Variants in MAGI1 observed in about 807,000 individuals in gnomAD.
The protein encoded by MAGI1 is membrane-associated guanylate kinase, WW and PDZ domain-containing protein 1.
In MAGI1, 58 loss-of-function variants were observed where a neutral mutation model predicts 139.9. The ratio of observed to expected loss-of-function variants is 0.41; its 90% confidence interval spans 0.34 to 0.52. MAGI1 has a LOEUF of 0.52. Ranked by LOEUF, MAGI1 falls within the 20% of genes least tolerant of loss-of-function variation. The probability of loss-of-function intolerance (pLI) is 0.12; values close to 1 mark genes in which losing one functional copy is unlikely to be tolerated. For synonymous variants in MAGI1, 812 were observed against 737.9 expected, an observed-to-expected ratio of 1.10 and a Z score of -1.63; for missense variants, 1,874 against 1,901.6, an observed-to-expected ratio of 0.99 and a Z score of 0.27.
intron 2 of MAGI1, chr3:65,499,145 C>T: frequency 1.8e-6 from 1 of 545,662 alleles, no homozygotes; most frequent in Non-Finnish European, 2.3e-6. Context: ...TCCATTGATT[C>T]CTATTGGCTG....
intron 1 of MAGI1, among the ~76,000 whole-genome samples, chr3:66,000,791 T>C (rs903772875): frequency 2.0e-5 from 3 of 152,178 alleles, no homozygotes; most frequent in African/African-American, 4.8e-5. Flanking sequence ...AAACCTTTCA[T>C]ATCAGGCTTT....
chr3:65,389,181 G>T, intron 14 of MAGI1, among the ~76,000 whole-genome samples: 1 of 152,044 alleles, frequency 6.6e-6, no homozygotes, highest in Non-Finnish European at 1.5e-5. Context: ...AGCAACTTCA[G>T]TACTTACAGT....
intron 22 of MAGI1, chr3:65,359,766 T>A: frequency 1.0e-6 from 1 of 985,694 alleles, no homozygotes. Context: ...GATCTTTATT[T>A]TTAGCCCAAA....
chr3:65,971,349 T>A (rs1474926648), intron 1 of MAGI1, among the ~76,000 whole-genome samples: 1 of 152,236 alleles, frequency 6.6e-6, no homozygotes, highest in Non-Finnish European at 1.5e-5. Flanking sequence ...TCTTAAGTGA[T>A]GTTGAGCCTG....
rs527481278 is a variant in MAGI1 at position 65,489,775 on chromosome 3, C to T, written c.550+3737G>A. 1.1e-4 allele frequency among the ~76,000 whole-genome samples: 17 copies of T among 152,250 alleles called. No homozygotes were observed. In the East Asian group the frequency reaches 3.1e-3, roughly 28 times the overall value. Reference sequence around the variant, plus strand: ...TATATGTTGTGTACATATAAGTTTTCTGAATATTTGCACTAGCATCTTTAA... The same window carrying T: ...TATATGTTGTGTACATATAAGTTTTTTGAATATTTGCACTAGCATCTTTAA... On this transcript the variant is annotated intron_variant, in intron 3 of 22. Coordinates refer to ENST00000402939, the MANE Select transcript of MAGI1 (RefSeq NM_001033057.2).
intron 2 of MAGI1, among the ~76,000 whole-genome samples, chr3:65,616,374 A>G (rs2083369447): frequency 6.6e-6 from 1 of 152,202 alleles, no homozygotes; most frequent in Non-Finnish European, 1.5e-5. Context: ...TTTACATTAT[A>G]CGCAACAAAC....
At chr3:66,024,338 A>G (rs2068118950) in intron 1 of MAGI1, among the ~76,000 whole-genome samples, 1 of 126,822 alleles carries the variant, frequency 7.9e-6, no homozygotes. Context: ...AAAAAAAAAA[A>G]GAACAGGCTT....
At chr3:66,002,333 TC>T (rs1451639354) in intron 1 of MAGI1, among the ~76,000 whole-genome samples, 7 of 152,242 alleles carry the variant, frequency 4.6e-5, no homozygotes, top group African/African-American at 1.7e-4. Context: ...ACATTTTGTT[TC>T]CTTTTAATGC....
intron 1 of MAGI1, among the ~76,000 whole-genome samples, chr3:65,990,873 G>A (rs13433742): frequency 0.013 from 2,009 of 152,258 alleles, 45 homozygotes; most frequent in African/African-American, 0.046. Flanking sequence ...TGTCGTCCTA[G>A]ATACTTGGGA....
At position 65,826,884 on chromosome 3, in the gene MAGI1, AAAAT is replaced by A. The variant is rs2042257624; in HGVS notation, c.314-204800_314-204797del. 3.3e-5 allele frequency among the ~76,000 whole-genome samples: 5 copies of A among 152,316 alleles called. No individual in the cohort carries two copies. In the South Asian group the frequency reaches 1.0e-3, roughly 32 times the overall value. ...ACTGAGAGGAATAAGGAAGCCTTTAAAAATAAATAAAAGGAAATTCATCCATTCT... is the reference window on the plus strand; with the variant it reads ...ACTGAGAGGAATAAGGAAGCCTTTAAAAATAAAAGGAAATTCATCCATTCT... On this transcript the variant is annotated intron_variant, in intron 1 of 22. Coordinates refer to ENST00000402939, the MANE Select transcript of MAGI1 (RefSeq NM_001033057.2).
chr3:65,411,825 C>T (rs554686204), intron 12 of MAGI1, among the ~76,000 whole-genome samples: 2 of 152,076 alleles, frequency 1.3e-5, no homozygotes, highest in Non-Finnish European at 2.9e-5. Context: ...CCCCTGAAAC[C>T]TAAGACCCTG....
In MAGI1 at chr3:65,463,201, C is replaced by G. The variant is rs575770161; in HGVS notation, c.959+7082G>C. Among the ~76,000 whole-genome samples the G allele has an allele frequency of 6.6e-5, 10 of 152,244 alleles. No individual in the cohort carries two copies. In the East Asian group the frequency reaches 1.9e-3, roughly 29 times the overall value. ...GTGCCAGTTTCAACGGGAATGCTTC[C>G]AGCTTTTGCCCATTCAGTATGATAT... On this transcript the variant is annotated intron_variant, in intron 5 of 22. Transcript: ENST00000402939.
intron 2 of MAGI1, among the ~76,000 whole-genome samples, chr3:65,543,969 A>G (rs11719117): frequency 0.39 from 59,042 of 151,858 alleles, 11,971 homozygotes; most frequent in East Asian, 0.7. Context: ...ATTTTAGACA[A>G]AATAATGAAA....
chr3:65,963,455 A>C (rs2064567079), intron 1 of MAGI1, among the ~76,000 whole-genome samples: 1 of 152,104 alleles, frequency 6.6e-6, no homozygotes, highest in African/African-American at 2.4e-5. Flanking sequence ...GTCTCTACTA[A>C]AAACACAAAA....
intron 2 of MAGI1, among the ~76,000 whole-genome samples, chr3:65,509,321 A>G (rs1294305133): frequency 1.3e-5 from 2 of 152,214 alleles, no homozygotes; most frequent in Non-Finnish European, 2.9e-5. Context: ...CCGAATAGGA[A>G]CAGCTCCGGT....
chr3:65,790,292 T>C (rs1318626906), intron 1 of MAGI1, among the ~76,000 whole-genome samples: 1 of 152,244 alleles, frequency 6.6e-6, no homozygotes, highest in African/African-American at 2.4e-5. Context: ...TTTGACCTTC[T>C]GATCCTATTG....
At chr3:65,415,358 T>C (rs1045601258) in intron 12 of MAGI1, among the ~76,000 whole-genome samples, 1 of 152,224 alleles carries the variant, frequency 6.6e-6, no homozygotes, top group South Asian at 2.1e-4. Context: ...TAAGAAACTC[T>C]TCATCAGAAC....
Position 65,734,329 on chromosome 3 carries a change from A to T in MAGI1, c.314-112241T>A, listed in dbSNP as rs2034487018. ...TAAAGACTTGGCCAGGTATGGTGGCACTTGCCTGTAGCCCTAGCTACTTTG... is the reference window on the plus strand; with the variant it reads ...TAAAGACTTGGCCAGGTATGGTGGCTCTTGCCTGTAGCCCTAGCTACTTTG... On this transcript the variant is annotated intron_variant, in intron 1 of 22. Coordinates refer to ENST00000402939, the MANE Select transcript of MAGI1 (RefSeq NM_001033057.2). Among the ~76,000 whole-genome samples the T allele has an allele frequency of 2.0e-5, 3 of 151,912 alleles. No individual in the cohort carries two copies. In the South Asian group the frequency reaches 6.2e-4, roughly 32 times the overall value.
chr3:65,743,009 C>T (rs2035404092), intron 1 of MAGI1, among the ~76,000 whole-genome samples: 1 of 152,038 alleles, frequency 6.6e-6, no homozygotes, highest in African/African-American at 2.4e-5. Context: ...AAATAAACTT[C>T]ATTCTATCAA....
Sources: allele counts gnomAD v4.1 joint callset (sites outside exome capture counted in the v4.1 genomes callset), GRCh38; gene constraint gnomAD v4.1.1; transcripts MANE v1.5; gene names NCBI Gene and HGNC (gene_info 2026-07-23, HGNC 2026-07-21).